CDH4: variants seen among roughly 807,000 people sequenced by gnomAD.
CDH4 encodes the protein cadherin-4.
In CDH4, 33 loss-of-function variants were observed where a neutral mutation model predicts 86.0. The ratio of observed to expected loss-of-function variants is 0.38; its 90% CI spans 0.29 to 0.51. The LOEUF is 0.51. CDH4 is among the 20% of genes least tolerant of loss of function. The pLI is 0.86. For synonymous variants in CDH4, 555 were observed against 549.4 expected, an observed-to-expected ratio of 1.01 and a Z score of -0.14; for missense variants, 1,114 against 1,307.4, an observed-to-expected ratio of 0.85 and a Z score of 2.28.
At chr20:61,481,639 A>G (rs1396894474) in intron 2 of CDH4, among the ~76,000 whole-genome samples, 2 of 152,226 alleles carry the variant, frequency 1.3e-5, no homozygotes, top group Non-Finnish European at 2.9e-5. Context: ...ATGATATTTC[A>G]CAGAGTGCAG....
chr20:61,785,859 C>G (rs1163664709), intron 4 of CDH4, among the ~76,000 whole-genome samples: 6 of 152,218 alleles, frequency 3.9e-5, no homozygotes, highest in African/African-American at 9.6e-5. Flanking sequence ...AATTTTTAAG[C>G]CTTCAGAGCC....
chr20:61,591,026 G>C (rs1445835786), intron 2 of CDH4, among the ~76,000 whole-genome samples: 2 of 152,176 alleles, frequency 1.3e-5, no homozygotes, highest in Non-Finnish European at 2.9e-5. Context: ...TTATTCCCCA[G>C]TACAAGGGCT....
intron 2 of CDH4, among the ~76,000 whole-genome samples, chr20:61,406,296 C>T (rs1416530498): frequency 7.3e-6 from 1 of 136,734 alleles, no homozygotes; most frequent in African/African-American, 2.8e-5. Flanking sequence ...CTGCCCGGAC[C>T]AGCATCTGCT....
At chr20:61,839,785 ATG>A (rs1294663104) in intron 4 of CDH4, among the ~76,000 whole-genome samples, 34 of 149,670 alleles carry the variant, frequency 2.3e-4, no homozygotes, top group African/African-American at 2.0e-4. Flanking sequence ...GTGTACATGT[ATG>A]TGTGCTGTGT....
intron 6 of CDH4, among the ~76,000 whole-genome samples, chr20:61,858,985 A>G (rs966530047): frequency 1.3e-5 from 2 of 151,962 alleles, no homozygotes; most frequent in Non-Finnish European, 2.9e-5. Flanking sequence ...GGGAACTTCC[A>G]TGTTCTCTGC....
chr20:61,720,999 G>C (rs73611559), intron 2 of CDH4, among the ~76,000 whole-genome samples: 1 of 152,136 alleles, frequency 6.6e-6, no homozygotes, highest in East Asian at 1.9e-4. Flanking sequence ...CGAGGGTTCA[G>C]CTCTCCAAGG....
intron 4 of CDH4, among the ~76,000 whole-genome samples, chr20:61,805,164 G>A (rs1013283572): frequency 1.3e-5 from 2 of 152,200 alleles, no homozygotes; most frequent in Non-Finnish European, 2.9e-5. Context: ...CCGGTACGGT[G>A]CTGAGAAGAC....
chr20:61,761,311 G>A (rs2088629647), intron 3 of CDH4, among the ~76,000 whole-genome samples: 1 of 152,192 alleles, frequency 6.6e-6, no homozygotes, highest in Non-Finnish European at 1.5e-5. Context: ...GAATCAGAGA[G>A]ATTGAAAAGA....
At chr20:61,831,085 T>C in intron 4 of CDH4, among the ~76,000 whole-genome samples, 1 of 152,156 alleles carries the variant, frequency 6.6e-6, no homozygotes, top group East Asian at 1.9e-4. Flanking sequence ...GGGGGAGCTT[T>C]TGTGAATGGA....
At chr20:61,488,073 A>C (rs1053424420) in intron 2 of CDH4, among the ~76,000 whole-genome samples, 1 of 152,242 alleles carries the variant, frequency 6.6e-6, no homozygotes, top group Admixed American at 6.5e-5. Context: ...ACAATCACTC[A>C]GTGCCATTTA....
chr20:61,368,216 C>A (rs28625587), intron 2 of CDH4, among the ~76,000 whole-genome samples: 1 of 152,046 alleles, frequency 6.6e-6, no homozygotes, highest in Non-Finnish European at 1.5e-5. Context: ...ATAGTAACTT[C>A]CCACTGGAGA....
intron 2 of CDH4, among the ~76,000 whole-genome samples, chr20:61,687,787 TGTG>T (rs1235716522): frequency 1.3e-5 from 2 of 152,124 alleles, no homozygotes; most frequent in Non-Finnish European, 2.9e-5. Context: ...AAACCAGAAA[TGTG>T]GTCCGCGGAC....
chr20:61,565,390 G>GT (rs548917366), intron 2 of CDH4, among the ~76,000 whole-genome samples: 1,755 of 17,892 alleles, frequency 0.098, 447 homozygotes, highest in African/African-American at 0.45. Flanking sequence ...CTTGGTGATG[G>GT]GGTGATGGTG....
intron 2 of CDH4, among the ~76,000 whole-genome samples, chr20:61,321,389 T>A (rs189395548): frequency 1.5e-3 from 224 of 152,324 alleles, no homozygotes; most frequent in African/African-American, 5.2e-3. Context: ...ATCTTTGCTT[T>A]TTTGCTGGAA....
chr20:61,915,052 C>T (rs777891633), intron 9 of CDH4, among the ~76,000 whole-genome samples: 1 of 152,212 alleles, frequency 6.6e-6, no homozygotes, highest in Non-Finnish European at 1.5e-5. Flanking sequence ...GCCATCCTCA[C>T]CCCCATCTCA....
chr20:61,556,883 AC>A (rs1454194547), intron 2 of CDH4, among the ~76,000 whole-genome samples: 2 of 152,118 alleles, frequency 1.3e-5, no homozygotes, highest in African/African-American at 2.4e-5. Context: ...CACCGAGAAC[AC>A]GTGAGGCGCC....
chr20:61,540,580 C>T (rs1482352621), intron 2 of CDH4, among the ~76,000 whole-genome samples: 4 of 152,082 alleles, frequency 2.6e-5, no homozygotes, highest in African/African-American at 4.8e-5. Flanking sequence ...TACGAAATGC[C>T]GGCAGGAAGA....
In CDH4 at chr20:61,781,260, A is replaced by AG. The variant is rs1370699644; in HGVS notation, c.576+8078_576+8079insG. ...ATTAGACATGTCAAAAAGAGAGAAA[A>AG]TGTGATCCACAATCAAGAAAAAAAC... On this transcript the variant is annotated intron_variant, in intron 4 of 15. Coordinates refer to ENST00000614565, the MANE Select transcript of CDH4 (RefSeq NM_001794.5). 3.6e-4 allele frequency among the ~76,000 whole-genome samples: 42 copies of AG among 115,698 alleles called. No homozygotes were observed. The East Asian group carries it at 0.011, about 30-fold the overall frequency. The allele number at this position is 115,698 out of a possible 152,430, so 75.9% of individuals were successfully genotyped here. A position where few individuals can be genotyped will look rare whatever the true frequency, so the allele number is the denominator to read the frequency against.
intron 2 of CDH4, among the ~76,000 whole-genome samples, chr20:61,601,257 C>T (rs2086598290): frequency 6.6e-6 from 1 of 152,180 alleles, no homozygotes; most frequent in Admixed American, 6.5e-5. Flanking sequence ...AACCGGCTCT[C>T]ATGAGAGCTT....
Sources: gnomAD v4.1 joint callset for allele counts (sites outside exome capture counted in the v4.1 genomes callset) on GRCh38, gnomAD v4.1.1 for gene constraint, MANE v1.5 for transcripts, NCBI Gene and HGNC (gene_info 2026-07-23, HGNC 2026-07-21) for gene names.